The following MAP4 variants were observed in gnomAD, a reference collection of about 807,000 sequenced individuals.
MAP4 encodes the protein microtubule-associated protein 4.
Under a neutral mutation model 170.2 loss-of-function variants are expected in MAP4, and 76 were observed. That is an observed-to-expected ratio of 0.45 (90% confidence interval 0.37 to 0.54). The LOEUF (loss-of-function observed/expected upper bound fraction) is 0.54. Among genes scored for constraint, MAP4 ranks in the 20% least tolerant of loss-of-function variants. The pLI is 0.00. For synonymous variants in MAP4, 909 were observed against 994.5 expected, an observed-to-expected ratio of 0.91 and a Z score of 1.62; for missense variants, 2,506 against 2,748.0, an observed-to-expected ratio of 0.91 and a Z score of 1.97.
chr3:47,974,338 C>G (rs1328559375), intron 3 of MAP4: 1 of 439,424 alleles, frequency 2.3e-6, no homozygotes, highest in Non-Finnish European at 3.0e-6. Flanking sequence ...GGCAGGAGAA[C>G]CACTTGAACC....
At chr3:47,861,997 TAAAAATACA>T (rs2067094835) in intron 17 of MAP4, among the ~76,000 whole-genome samples, 3 of 151,120 alleles carry the variant, frequency 2.0e-5, no homozygotes, top group African/African-American at 7.3e-5. Context: ...CCATCTCTGC[TAAAAATACA>T]AAAAATTAGC....
intron 3 of MAP4, among the ~76,000 whole-genome samples, chr3:47,934,847 G>A (rs1247709475): frequency 1.3e-5 from 2 of 152,114 alleles, no homozygotes; most frequent in Non-Finnish European, 2.9e-5. Flanking sequence ...ACTGTCAATC[G>A]CTACTCCAGG....
At chr3:47,861,077 T>G (rs2064914041) in intron 17 of MAP4, among the ~76,000 whole-genome samples, 1 of 151,978 alleles carries the variant, frequency 6.6e-6, no homozygotes, top group Non-Finnish European at 1.5e-5. Flanking sequence ...ATACAAAAGT[T>G]AGGCTGGGCG....
At chr3:47,961,488 T>C (rs1279509428) in intron 3 of MAP4, among the ~76,000 whole-genome samples, 1 of 152,204 alleles carries the variant, frequency 6.6e-6, no homozygotes, top group African/African-American at 2.4e-5. Context: ...AAGAGTTTCA[T>C]TGTTATATGG....
At chr3:48,029,625 T>A (rs1365499993) in intron 1 of MAP4, among the ~76,000 whole-genome samples, 1 of 152,160 alleles carries the variant, frequency 6.6e-6, no homozygotes, top group Non-Finnish European at 1.5e-5. Context: ...ATTCCATACA[T>A]GTAGCTACAG....
At chr3:48,017,545 C>G (rs1238721405), upstream of MAP4, among the ~76,000 whole-genome samples, 7 of 149,866 alleles carry the variant, frequency 4.7e-5, no homozygotes, top group African/African-American at 1.5e-4. Context: ...ACTGACAAGA[C>G]TCAGTCCTAT....
intron 10 of MAP4, among the ~76,000 whole-genome samples, chr3:47,884,333 GTTC>G (rs913494384): frequency 6.6e-6 from 1 of 152,042 alleles, no homozygotes; most frequent in Non-Finnish European, 1.5e-5. Context: ...TTAACATTTG[GTTC>G]TTTTTATGTA....
chr3:48,085,279 GA>G (rs1163060258), intron 1 of MAP4, among the ~76,000 whole-genome samples: 1 of 148,276 alleles, frequency 6.7e-6, no homozygotes, highest in Non-Finnish European at 1.5e-5. Flanking sequence ...ACCAAATTCA[GA>G]AACAAGATTA....
At chr3:48,022,462 G>C (rs976815770) in intron 1 of MAP4, among the ~76,000 whole-genome samples, 4 of 152,130 alleles carry the variant, frequency 2.6e-5, no homozygotes, top group African/African-American at 4.8e-5. Flanking sequence ...ATTTCTAATT[G>C]TAACACTAAA....
chr3:47,973,764 A>G, intron 3 of MAP4: 1 of 985,404 alleles, frequency 1.0e-6, no homozygotes, highest in Middle Eastern at 5.2e-4. Flanking sequence ...AATAACTACT[A>G]CCAGTTTTGA....
At position 47,857,388 on chromosome 3, in the gene MAP4, G is replaced by A. The variant is rs552978339; in HGVS notation, c.6583+43C>T. ...CTGCCCAGCTGACCCATGGCAGGACGACATACCCTGGAGACCCAGTGGGCA... is the reference window on the plus strand; with the variant it reads ...CTGCCCAGCTGACCCATGGCAGGACAACATACCCTGGAGACCCAGTGGGCA... On this transcript the variant is annotated intron_variant, in intron 18 of 20. Coordinates refer to ENST00000683076, the MANE Select transcript of MAP4 (RefSeq NM_001385682.1). 66 of 1,541,100 alleles carry A rather than the reference G, an allele frequency of 4.3e-5. No homozygotes were observed. The East Asian group carries it at 8.1e-4, about 19-fold the overall frequency.
At chr3:47,875,231 G>A (rs2094912324) in intron 12 of MAP4, among the ~76,000 whole-genome samples, 1 of 152,154 alleles carries the variant, frequency 6.6e-6, no homozygotes, top group South Asian at 2.1e-4. Flanking sequence ...GAAAGACAAA[G>A]AATTACATTT....
intron 1 of MAP4, among the ~76,000 whole-genome samples, chr3:48,071,798 G>C (rs2100141157): frequency 6.6e-6 from 1 of 151,946 alleles, no homozygotes. Context: ...CAGATACTCG[G>C]GAGGCTAAAG....
intron 16 of MAP4, among the ~76,000 whole-genome samples, chr3:47,868,439 C>T (rs1041476708): frequency 1.3e-5 from 2 of 152,180 alleles, no homozygotes; most frequent in African/African-American, 4.8e-5. Flanking sequence ...CTCTAGTAGT[C>T]ACCCAGAAGC....
Position 47,909,045 on chromosome 3 carries a change from C to T in MAP4, c.5376G>A (p.Lys1792=). 2 of 1,612,592 alleles carry T rather than the reference C, an allele frequency of 1.2e-6. No individual in the cohort carries two copies. The highest frequency in any genetic ancestry group is 1.1e-5 in the South Asian group (1 of 90,794). Residue 1792 remains lysine, a synonymous_variant, in exon 9 of 21, where the codon AAG becomes AAA. Coordinates refer to ENST00000683076, the MANE Select transcript of MAP4 (RefSeq NM_001385682.1). ...IQEQERHKQL[K]SAVCLSSSTV... ...CCCATGGCAGGTTCATACCAGCGGA[C>T]TTCAGTTGCTTATGTCTCTCTTGTT...
intron 10 of MAP4, among the ~76,000 whole-genome samples, chr3:47,900,761 A>G (rs2100029574): frequency 6.6e-6 from 1 of 151,702 alleles, no homozygotes; most frequent in African/African-American, 2.4e-5. Context: ...AACAACAACA[A>G]CTCTAAAAAC....
At chr3:47,921,928 A>G (rs769297233) in intron 4 of MAP4, 50 bp from the exon 5 acceptor site, 9 of 828,598 alleles carry the variant, frequency 1.1e-5, no homozygotes, top group Non-Finnish European at 1.9e-5. Flanking sequence ...TGCAACTAGA[A>G]AGATTAATAT....
At chr3:48,066,822 CTTTTTTTTTTTTTTTTTTTTTTTTT>C (rs55939839) in intron 1 of MAP4, among the ~76,000 whole-genome samples, 2 of 65,770 alleles carry the variant, frequency 3.0e-5, no homozygotes, top group Non-Finnish European at 2.6e-5. Flanking sequence ...TCTCTAATTC[CTTTTTTTTTTTTTTTTTTTTTTTTT>C]TTTTTTTTTT....
At chr3:48,018,738 G>A (rs1293164844), upstream of MAP4, among the ~76,000 whole-genome samples, 1 of 152,118 alleles carries the variant, frequency 6.6e-6, no homozygotes, top group Non-Finnish European at 1.5e-5. Context: ...GGGAGGTGGA[G>A]GTTGCAGTGA....
Sources: allele counts gnomAD v4.1 joint callset (sites outside exome capture counted in the v4.1 genomes callset), GRCh38; gene constraint gnomAD v4.1.1; transcripts MANE v1.5; gene names NCBI Gene and HGNC (gene_info 2026-07-23, HGNC 2026-07-21).